RB1: variants seen among roughly 807,000 people sequenced by gnomAD.
RB1 encodes RB transcriptional corepressor 1.
Under a neutral mutation model 135.4 loss-of-function variants are expected in RB1, and 18 were observed. The ratio of observed to expected loss-of-function variants is 0.13; its 90% CI spans 0.09 to 0.20. The LOEUF (loss-of-function observed/expected upper bound fraction) is 0.20, where lower values mean the gene tolerates loss of function less well. Among genes scored for constraint, RB1 ranks in the 10% least tolerant of loss-of-function variants. RB1 has a pLI of 1.00. For missense variants in RB1, 868 were observed against 1,110.0 expected (o/e 0.78, Z 3.10); for synonymous variants, 365 against 373.2 (o/e 0.98, Z 0.25).
intron 2 of RB1, among the ~76,000 whole-genome samples, chr13:48,333,642 G>A (rs1952356421): frequency 6.6e-6 from 1 of 151,842 alleles, no homozygotes. Context: ...GTGTGAATGG[G>A]AGCTGAAGAA....
chr13:48,320,697 G>T (rs1472376797), intron 2 of RB1, among the ~76,000 whole-genome samples: 2 of 152,110 alleles, frequency 1.3e-5, no homozygotes, highest in Non-Finnish European at 2.9e-5. Flanking sequence ...CGGGCGTGGT[G>T]GTGTGAGCCT....
At chr13:48,343,619 C>T (rs1952466504) in intron 3 of RB1, among the ~76,000 whole-genome samples, 1 of 152,040 alleles carries the variant, frequency 6.6e-6, no homozygotes, top group Non-Finnish European at 1.5e-5. Context: ...TAAGTTTCCC[C>T]TAGAAAAAAG....
chr13:48,416,865 A>C (rs1473199288), intron 17 of RB1, among the ~76,000 whole-genome samples: 1 of 152,164 alleles, frequency 6.6e-6, no homozygotes. Flanking sequence ...CTGCTTCTCT[A>C]GAGTCCTCCT....
At chr13:48,307,471 T>C in intron 2 of RB1, 65 bp downstream of exon 2, 1 of 1,459,732 alleles carries the variant, frequency 6.9e-7, no homozygotes, top group Non-Finnish European at 9.5e-7. Flanking sequence ...TTCAAATCAC[T>C]ATACAAAAAT....
Position 48,465,375 on chromosome 13 carries a change from G to T in RB1, c.2489+7G>T. 3 of 1,590,460 alleles carry T rather than the reference G, an allele frequency of 1.9e-6. No homozygotes were observed. Among genetic ancestry groups the T allele is most frequent in the Non-Finnish European group, 2.6e-6 (3 of 1,158,592 alleles). On this transcript the variant is annotated splice_region_variant and intron_variant, in intron 23 of 26. Coordinates refer to ENST00000267163, the MANE Select transcript of RB1 (RefSeq NM_000321.3). ...AAATGACTCCAAGATCAAGGTGTGT[G>T]TTTTCTCTTTAGGGAAGTAGTAAAG...
chr13:48,395,160 C>G, intron 17 of RB1, among the ~76,000 whole-genome samples: 1 of 152,188 alleles, frequency 6.6e-6, no homozygotes, highest in Non-Finnish European at 1.5e-5. Context: ...AGGGGCCTGA[C>G]TGTTAGAAGG....
intron 20 of RB1, among the ~76,000 whole-genome samples, chr13:48,463,288 G>T (rs1363914523): frequency 1.3e-5 from 2 of 152,164 alleles, no homozygotes; most frequent in Non-Finnish European, 2.9e-5. Flanking sequence ...AACATTGTCA[G>T]CAACACATAA....
intron 2 of RB1, among the ~76,000 whole-genome samples, chr13:48,311,857 C>T (rs1487140164): frequency 6.6e-6 from 1 of 152,198 alleles, no homozygotes; most frequent in Admixed American, 6.5e-5. Context: ...AGGCATGCGC[C>T]ACCACACCCG....
intron 25 of RB1, 69 bp from the exon 26 acceptor site, chr13:48,477,286 A>T (rs1376420119): frequency 2.7e-6 from 3 of 1,117,158 alleles, no homozygotes; most frequent in East Asian, 2.5e-5. Context: ...AAAGCATCAT[A>T]GTTACTGGAA....
chr13:48,477,463 T>C, intron 26 of RB1, 59 bp downstream of exon 26: 1 of 1,346,922 alleles, frequency 7.4e-7, no homozygotes, highest in Non-Finnish European at 1.1e-6. Context: ...CTGCAAGAAG[T>C]CTTTTCGTTA....
chr13:48,323,693 T>TCATAA (rs1474598782), intron 2 of RB1, among the ~76,000 whole-genome samples: 1 of 152,112 alleles, frequency 6.6e-6, no homozygotes, highest in Non-Finnish European at 1.5e-5. Context: ...GGCTTTGACT[T>TCATAA]CATAAAAGTT....
intron 24 of RB1, among the ~76,000 whole-genome samples, chr13:48,474,777 T>C (rs1949493890): frequency 6.6e-6 from 1 of 152,200 alleles, no homozygotes; most frequent in South Asian, 2.1e-4. Flanking sequence ...TATTCTAGGC[T>C]GCAAATCCAC....
intron 2 of RB1, chr13:48,340,839 T>TTTATTATTTCAAGCGCACA (rs1278152414): frequency 6.4e-6 from 1 of 155,188 alleles, no homozygotes; most frequent in South Asian, 2.1e-4. Flanking sequence ...TTTTAATTAG[T>TTTATTATTTCAAGCGCACA]CTTGAAAACA....
chr13:48,443,802 T>C lies in RB1; in HGVS notation c.1696-9191T>C, dbSNP rs534294025. 3.3e-5 allele frequency among the ~76,000 whole-genome samples: 5 copies of C among 152,338 alleles called. No homozygotes were observed. The East Asian group carries it at 7.7e-4, about 23-fold the overall frequency. Reference sequence around the variant, plus strand: ...ACCTGGCTATGTTTTATATTGCTTATATACATTTTTTTTTCTTTTGGAAAA... The same window carrying C: ...ACCTGGCTATGTTTTATATTGCTTACATACATTTTTTTTTCTTTTGGAAAA... On this transcript the variant is annotated intron_variant, in intron 17 of 26. Coordinates refer to ENST00000267163, the MANE Select transcript of RB1 (RefSeq NM_000321.3).
intron 2 of RB1, among the ~76,000 whole-genome samples, chr13:48,334,526 A>C (rs1447996766): frequency 6.6e-6 from 1 of 152,186 alleles, no homozygotes; most frequent in Non-Finnish European, 1.5e-5. Context: ...ATGCGTAAGG[A>C]TATATCTTTT....
intron 2 of RB1, among the ~76,000 whole-genome samples, chr13:48,326,019 C>T (rs1952284570): frequency 6.6e-6 from 1 of 152,214 alleles, no homozygotes; most frequent in Middle Eastern, 3.4e-3. Context: ...CCTACTTCTC[C>T]CTGAACTTCT....
chr13:48,458,144 C>G (rs572632136), intron 19 of RB1, among the ~76,000 whole-genome samples: 1 of 152,328 alleles, frequency 6.6e-6, no homozygotes, highest in South Asian at 2.1e-4. Flanking sequence ...CTTCCTGGAG[C>G]GTGCCGCCCC....
intron 2 of RB1, among the ~76,000 whole-genome samples, chr13:48,327,647 A>G (rs568615898): frequency 4.9e-4 from 74 of 152,190 alleles, no homozygotes; most frequent in Non-Finnish European, 9.4e-4. Context: ...TCCTCCCAAT[A>G]CAATACTCCC....
At chr13:48,357,020 T>G (rs1952598105) in intron 6 of RB1, among the ~76,000 whole-genome samples, 1 of 152,014 alleles carries the variant, frequency 6.6e-6, no homozygotes, top group South Asian at 2.1e-4. Flanking sequence ...CTGAAGAATT[T>G]TTTTTTTAAT....
Sources: gnomAD v4.1 joint callset for allele counts (sites outside exome capture counted in the v4.1 genomes callset) on GRCh38, gnomAD v4.1.1 for gene constraint, MANE v1.5 for transcripts, NCBI Gene and HGNC (gene_info 2026-07-23, HGNC 2026-07-21) for gene names.